Variants in ZNF704 observed in about 807,000 individuals in gnomAD.
ZNF704 encodes the protein glucocorticoid induced gene 1.
In ZNF704, 10 loss-of-function variants were observed where a neutral mutation model predicts 44.7. That is an observed-to-expected ratio of 0.22 (90% CI 0.14 to 0.38). The LOEUF is 0.38. Among genes scored for constraint, ZNF704 ranks in the 10% least tolerant of loss-of-function variants. ZNF704 has a pLI of 1.00. For synonymous variants in ZNF704, 211 were observed against 207.6 expected, an observed-to-expected ratio of 1.02 and a Z score of -0.14; for missense variants, 390 against 545.5, an observed-to-expected ratio of 0.71 and a Z score of 2.84.
intron 2 of ZNF704, among the ~76,000 whole-genome samples, chr8:80,716,016 G>A (rs1279515763): frequency 6.6e-6 from 1 of 151,824 alleles, no homozygotes; most frequent in African/African-American, 2.4e-5. Flanking sequence ...GGAGGCAGAG[G>A]TTGCAGTGAG....
intron 7 of ZNF704, among the ~76,000 whole-genome samples, chr8:80,643,747 A>G (rs1464890860): frequency 6.6e-6 from 1 of 152,146 alleles, no homozygotes; most frequent in East Asian, 1.9e-4. Context: ...TTTAAATCTT[A>G]AAGTACATTC....
chr8:80,839,492 A>G (rs191375332), intron 1 of ZNF704, among the ~76,000 whole-genome samples: 1 of 152,320 alleles, frequency 6.6e-6, no homozygotes, highest in Non-Finnish European at 1.5e-5. Context: ...ATGACTAAAT[A>G]AAATATGTTA....
At chr8:80,854,855 A>C (rs909545137) in intron 1 of ZNF704, among the ~76,000 whole-genome samples, 1 of 152,116 alleles carries the variant, frequency 6.6e-6, no homozygotes, top group Admixed American at 6.6e-5. Flanking sequence ...TTTGACTATT[A>C]TTTTTAATTT....
intron 7 of ZNF704, chr8:80,644,944 T>G (rs2131591121): frequency 9.1e-7 from 1 of 1,101,200 alleles, no homozygotes; most frequent in Non-Finnish European, 1.4e-6. Context: ...CATTTCTTTG[T>G]TTTCTCGGGT....
intron 2 of ZNF704, among the ~76,000 whole-genome samples, chr8:80,761,148 C>T (rs1437361756): frequency 1.3e-5 from 2 of 152,130 alleles, no homozygotes; most frequent in African/African-American, 4.8e-5. Flanking sequence ...TTCCACTCTT[C>T]CACTACATGA....
chr8:80,828,088 A>T (rs1808409653), intron 1 of ZNF704, among the ~76,000 whole-genome samples: 1 of 152,216 alleles, frequency 6.6e-6, no homozygotes, highest in African/African-American at 2.4e-5. Context: ...ATGGGATCTA[A>T]CTAAACTAAA....
At chr8:80,816,162 A>G (rs183955089) in intron 2 of ZNF704, among the ~76,000 whole-genome samples, 22 of 152,242 alleles carry the variant, frequency 1.4e-4, no homozygotes, top group Admixed American at 1.3e-3. Context: ...TTCCTGTACT[A>G]ATGTGGTGGC....
At position 80,670,613 on chromosome 8, in the gene ZNF704, G is replaced by C; in HGVS notation, c.559-10C>G. 6.4e-7 allele frequency: 1 copy of C among 1,563,264 alleles called. No individual in the cohort carries two copies. The highest frequency in any genetic ancestry group is 8.8e-7 in the Non-Finnish European group (1 of 1,134,270). ...TCACCTTCATGGAATTCTGTAAAGG[G>C]GAGAGAGTGATATTAGAATGGAAAC... On this transcript the variant is annotated splice_polypyrimidine_tract_variant and intron_variant, in intron 4 of 8. Transcript: ENST00000327835.
At chr8:80,682,685 A>G (rs1168483296) in intron 4 of ZNF704, among the ~76,000 whole-genome samples, 1 of 152,014 alleles carries the variant, frequency 6.6e-6, no homozygotes, top group African/African-American at 2.4e-5. Flanking sequence ...CTCCACACCT[A>G]TGCTTCTCAA....
intron 2 of ZNF704, among the ~76,000 whole-genome samples, chr8:80,747,853 A>G (rs1167412041): frequency 6.6e-6 from 1 of 152,174 alleles, no homozygotes; most frequent in African/African-American, 2.4e-5. Context: ...ACTAGCTGGG[A>G]CTACAGGTGC....
At chr8:80,873,968 G>C (rs1485080873) in intron 1 of ZNF704, among the ~76,000 whole-genome samples, 1 of 146,682 alleles carries the variant, frequency 6.8e-6, no homozygotes, top group Non-Finnish European at 1.5e-5. Flanking sequence ...CGCGGGCGCC[G>C]GCCCGGCAGG....
intron 7 of ZNF704, among the ~76,000 whole-genome samples, chr8:80,654,919 T>C (rs918800957): frequency 6.6e-6 from 1 of 152,138 alleles, no homozygotes; most frequent in African/African-American, 2.4e-5. Flanking sequence ...CTATTCACAA[T>C]AGCAAAGACT....
intron 1 of ZNF704, among the ~76,000 whole-genome samples, chr8:80,872,784 T>C (rs1315771902): frequency 6.6e-6 from 1 of 152,136 alleles, no homozygotes; most frequent in Non-Finnish European, 1.5e-5. Flanking sequence ...GGGACTTCGC[T>C]AGAATTCTCA....
intron 2 of ZNF704, among the ~76,000 whole-genome samples, chr8:80,779,055 C>T (rs1807466340): frequency 6.6e-6 from 1 of 152,070 alleles, no homozygotes; most frequent in Non-Finnish European, 1.5e-5. Context: ...TTATGTATCT[C>T]TAACATCTTT....
At chr8:80,656,884 A>C (rs150318663) in intron 7 of ZNF704, among the ~76,000 whole-genome samples, 5 of 152,194 alleles carry the variant, frequency 3.3e-5, no homozygotes, top group African/African-American at 4.8e-5. Context: ...TATCACATGA[A>C]TATTTCTCTG....
intron 2 of ZNF704, among the ~76,000 whole-genome samples, chr8:80,798,243 G>A (rs920346004): frequency 2.6e-5 from 4 of 151,514 alleles, no homozygotes; most frequent in Non-Finnish European, 5.9e-5. Flanking sequence ...CATTGTAATG[G>A]CCTTTAGTGT....
upstream of ZNF704, among the ~76,000 whole-genome samples, chr8:80,876,968 G>A (rs1383368281): frequency 2.6e-5 from 4 of 152,080 alleles, no homozygotes; most frequent in African/African-American, 9.7e-5. Context: ...ATGAAAGAAA[G>A]TAAATGTTTT....
intron 2 of ZNF704, among the ~76,000 whole-genome samples, chr8:80,810,628 C>A (rs1808066303): frequency 6.6e-6 from 1 of 152,178 alleles, no homozygotes; most frequent in South Asian, 2.1e-4. Context: ...GAGGCTCTCT[C>A]AAACTCTGGA....
chr8:80,710,357 T>G (rs1460274265), intron 2 of ZNF704, among the ~76,000 whole-genome samples: 2 of 152,188 alleles, frequency 1.3e-5, no homozygotes, highest in African/African-American at 4.8e-5. Flanking sequence ...CTCTTAAGTC[T>G]ATGAGGTCAA....
Sources: gnomAD v4.1 joint callset for allele counts (sites outside exome capture counted in the v4.1 genomes callset) on GRCh38, gnomAD v4.1.1 for gene constraint, MANE v1.5 for transcripts, NCBI Gene and HGNC (gene_info 2026-07-23, HGNC 2026-07-21) for gene names.